The following ATP8B4 variants were observed in gnomAD, a reference collection of about 807,000 sequenced individuals.
The protein encoded by ATP8B4 is probable phospholipid-transporting ATPase IM.
Under a neutral mutation model 145.6 loss-of-function variants are expected in ATP8B4, and 133 were observed. The observed-to-expected ratio is 0.91, with a 90% CI of 0.79 to 1.05. The LOEUF is 1.05. Among genes scored for constraint, ATP8B4 ranks in the 50% least tolerant of loss-of-function variants. The probability of loss-of-function intolerance (pLI) is 0.00; values close to 1 mark genes in which losing one functional copy is unlikely to be tolerated. For synonymous variants in ATP8B4, 507 were observed against 492.9 expected (o/e 1.03, Z -0.38); for missense variants, 1,458 against 1,425.2 (o/e 1.02, Z -0.37).
intron 10 of ATP8B4, among the ~76,000 whole-genome samples, chr15:49,984,891 C>T (rs758630886): frequency 2.0e-4 from 30 of 152,022 alleles, no homozygotes; most frequent in Non-Finnish European, 3.7e-4. Flanking sequence ...ATAATTCCTG[C>T]CCTCAGAAAC....
chr15:49,928,762 A>G (rs1320761978), intron 16 of ATP8B4, among the ~76,000 whole-genome samples: 1 of 152,152 alleles, frequency 6.6e-6, no homozygotes, highest in Admixed American at 6.6e-5. Context: ...GGCCATTTTA[A>G]TAAATATTAT....
chr15:50,059,888 A>AG (rs2052880923), intron 3 of ATP8B4, among the ~76,000 whole-genome samples: 1 of 152,144 alleles, frequency 6.6e-6, no homozygotes, highest in Non-Finnish European at 1.5e-5. Context: ...GGCAAAACCT[A>AG]GGGGTCTGTG....
At chr15:50,159,201 T>C (rs2044478705) in intron 1 of ATP8B4, among the ~76,000 whole-genome samples, 2 of 152,260 alleles carry the variant, frequency 1.3e-5, no homozygotes, top group Admixed American at 1.3e-4. Flanking sequence ...ATAGTTTTCA[T>C]TGTGGAGATC....
chr15:50,175,204 CATTGG>C (rs2044744395), intron 1 of ATP8B4, among the ~76,000 whole-genome samples: 1 of 152,164 alleles, frequency 6.6e-6, no homozygotes, highest in South Asian at 2.1e-4. Flanking sequence ...TAGAACATAA[CATTGG>C]AAAAACCCTC....
chr15:49,932,969 C>T (rs541212709), intron 15 of ATP8B4, among the ~76,000 whole-genome samples: 84 of 152,026 alleles, frequency 5.5e-4, no homozygotes, highest in Non-Finnish European at 1.0e-3. Context: ...TGTAAACTTG[C>T]ATTCTGAATT....
rs993870833 is a variant in ATP8B4 at position 49,858,603 on chromosome 15, T to C, written c.*1591A>G. ...TAACTTTGTCTGACCAAGAATTTAATAGGGACCAGATTAAGGACTCTGTAG... is the reference window on the plus strand; with the variant it reads ...TAACTTTGTCTGACCAAGAATTTAACAGGGACCAGATTAAGGACTCTGTAG... On this transcript the variant is annotated 3_prime_UTR_variant, in exon 28 of 28. Coordinates refer to ENST00000284509, the MANE Select transcript of ATP8B4 (RefSeq NM_024837.4). 1.3e-5 allele frequency: 2 copies of C among 152,216 alleles called. No homozygotes were observed. The highest frequency in any genetic ancestry group is 4.8e-5 in the African/African-American group (2 of 41,454). The allele number at this position is 152,216 out of a possible 1,614,324, so 9.4% of individuals were successfully genotyped here.
intron 2 of ATP8B4, among the ~76,000 whole-genome samples, chr15:50,085,009 T>A (rs957247846): frequency 2.0e-5 from 3 of 152,164 alleles, no homozygotes; most frequent in African/African-American, 7.2e-5. Context: ...GCAAGGGGTA[T>A]TATTTTGCCT....
At chr15:50,021,747 T>C (rs758275809) in intron 6 of ATP8B4, among the ~76,000 whole-genome samples, 59 of 152,372 alleles carry the variant, frequency 3.9e-4, no homozygotes, top group Middle Eastern at 6.8e-3. Context: ...CACACTAGAA[T>C]GTTGTTCACT....
chr15:50,041,277 A>G (rs1391625684), intron 5 of ATP8B4, among the ~76,000 whole-genome samples: 1 of 152,220 alleles, frequency 6.6e-6, no homozygotes, highest in African/African-American at 2.4e-5. Context: ...CTCTCTTAGA[A>G]TTACCTCTGG....
chr15:49,990,346 C>T (rs944643887), intron 9 of ATP8B4, among the ~76,000 whole-genome samples: 2 of 152,172 alleles, frequency 1.3e-5, no homozygotes, highest in South Asian at 4.1e-4. Context: ...CGCATCATTT[C>T]TCACATAGTC....
chr15:49,884,613 G>GAAAAAAAAAAAAAAA (rs60012082), intron 23 of ATP8B4, among the ~76,000 whole-genome samples: 1 of 117,658 alleles, frequency 8.5e-6, no homozygotes, highest in African/African-American at 3.2e-5. Context: ...CAAAAAAAAA[G>GAAAAAAAAAAAAAAA]AAAAAAAAAA....
At chr15:49,950,620 A>AC (rs2043010790) in intron 14 of ATP8B4, among the ~76,000 whole-genome samples, 1 of 93,348 alleles carries the variant, frequency 1.1e-5, no homozygotes, top group African/African-American at 6.0e-5. Flanking sequence ...ACAAACAAAC[A>AC]AAAAAAACAA....
intron 13 of ATP8B4, among the ~76,000 whole-genome samples, chr15:49,967,648 T>A (rs202153497): frequency 6.6e-6 from 1 of 152,212 alleles, no homozygotes; most frequent in Non-Finnish European, 1.5e-5. Flanking sequence ...CTACGTTTCA[T>A]TGGTGTACCT....
At chr15:50,022,406 G>A (rs537520698) in intron 6 of ATP8B4, among the ~76,000 whole-genome samples, 1 of 152,128 alleles carries the variant, frequency 6.6e-6, no homozygotes, top group Admixed American at 6.5e-5. Flanking sequence ...CAAACTGTGA[G>A]TTATGAAAAC....
At chr15:50,170,047 C>A (rs2044649153) in intron 1 of ATP8B4, among the ~76,000 whole-genome samples, 1 of 151,956 alleles carries the variant, frequency 6.6e-6, no homozygotes, top group African/African-American at 2.4e-5. Context: ...ATGACCAAAC[C>A]TAAAACTCAT....
At chr15:49,901,544 G>A (rs770099881) in intron 20 of ATP8B4, among the ~76,000 whole-genome samples, 16 of 152,202 alleles carry the variant, frequency 1.1e-4, no homozygotes, top group Non-Finnish European at 2.2e-4. Flanking sequence ...TGATAGATTT[G>A]GTACTTAAGA....
At chr15:49,991,267 T>C (rs910744808) in intron 9 of ATP8B4, among the ~76,000 whole-genome samples, 1 of 152,144 alleles carries the variant, frequency 6.6e-6, no homozygotes, top group African/African-American at 2.4e-5. Context: ...AACCACAAAA[T>C]ATACAAGGAT....
At chr15:50,035,366 T>C (rs1330555780) in intron 6 of ATP8B4, among the ~76,000 whole-genome samples, 1 of 152,206 alleles carries the variant, frequency 6.6e-6, no homozygotes, top group African/African-American at 2.4e-5. Context: ...GATGTTTATA[T>C]GTATATGATT....
At chr15:50,029,411 G>A (rs61695389) in intron 6 of ATP8B4, among the ~76,000 whole-genome samples, 12,512 of 151,940 alleles carry the variant, frequency 0.082, 708 homozygotes, top group East Asian at 0.28. Context: ...AGCATTCCTT[G>A]GCTTGGGGCT....
Sources: gnomAD v4.1 joint callset for allele counts (sites outside exome capture counted in the v4.1 genomes callset) on GRCh38, gnomAD v4.1.1 for gene constraint, MANE v1.5 for transcripts, NCBI Gene and HGNC (gene_info 2026-07-23, HGNC 2026-07-21) for gene names.